TRAPPC8: variants seen among roughly 807,000 people sequenced by gnomAD.
The protein encoded by TRAPPC8 is trafficking protein particle complex subunit 8, also known as general sporulation gene 1 homolog.
Under a neutral mutation model 174.3 loss-of-function variants are expected in TRAPPC8, and 54 were observed. The ratio of observed to expected loss-of-function variants is 0.31; its 90% CI spans 0.25 to 0.39. TRAPPC8 has a LOEUF of 0.39. Ranked by LOEUF, TRAPPC8 falls within the 10% of genes least tolerant of loss-of-function variation. The pLI is 1.00. For synonymous variants in TRAPPC8, 630 were observed against 579.9 expected (o/e 1.09, Z -1.24); for missense variants, 1,531 against 1,699.1 (o/e 0.90, Z 1.74).
At chr18:31,854,648 T>C (rs576575476) in intron 21 of TRAPPC8, among the ~76,000 whole-genome samples, 24 of 152,198 alleles carry the variant, frequency 1.6e-4, no homozygotes, top group East Asian at 7.7e-4. Flanking sequence ...ATTTCAAACA[T>C]GAGAGATCAC....
Position 31,916,331 on chromosome 18 carries a change from T to C in TRAPPC8, c.558A>G (p.Ile186Met), listed in dbSNP as rs1319941660. 1 of 1,613,476 alleles carries C rather than the reference T, an allele frequency of 6.2e-7. No homozygotes were observed. ...NSDYSYPKWF[I>M]PNTLKYYVLL... ...GTACATAGTATTTAAGTGTATTTGG[T>C]ATAAACCACTTGGGGTAGGAATAAT... The change falls in exon 4 of 29, where the codon ATA (isoleucine) becomes ATG (methionine). Residue 186 changes from isoleucine to methionine, a missense_variant. Ile to Met is a conservative substitution (Grantham distance 10). Transcript: ENST00000283351.
intron 1 of TRAPPC8, among the ~76,000 whole-genome samples, chr18:31,937,075 G>A (rs1265428802): frequency 2.0e-5 from 3 of 152,022 alleles, no homozygotes; most frequent in East Asian, 3.9e-4. Context: ...TTAGCCAGGC[G>A]TGGTGGTGGG....
intron 2 of TRAPPC8, among the ~76,000 whole-genome samples, chr18:31,930,122 CTTTT>C (rs763334461): frequency 2.1e-5 from 3 of 144,362 alleles, no homozygotes; most frequent in African/African-American, 5.1e-5. Context: ...TTAGGAAAAA[CTTTT>C]TTTTTTTTTT....
At chr18:31,931,652 C>T in intron 1 of TRAPPC8, 129 bp from the exon 2 acceptor site, 1 of 625,554 alleles carries the variant, frequency 1.6e-6, no homozygotes. Flanking sequence ...GTGGAACGTT[C>T]TTCCAGAAAT....
rs1045197803 is a variant in TRAPPC8, at chr18:31,864,721, C to T, written c.2651G>A (p.Arg884Gln). 2 of 1,612,702 alleles carry T rather than the reference C, an allele frequency of 1.2e-6. No individual in the cohort carries two copies. Among genetic ancestry groups the T allele is most frequent in the Non-Finnish European group, 1.7e-6 (2 of 1,179,360 alleles). Reference sequence around the variant, plus strand: ...TTTCTCTTCTTTTGTGTTGTTAAGTCGAGGACCTTGAATTTCTAAATCCTG... The same window carrying T: ...TTTCTCTTCTTTTGTGTTGTTAAGTTGAGGACCTTGAATTTCTAAATCCTG... ...GKQDLEIQGPRLNNTKEEKTS... is the reference protein window; with the variant it reads ...GKQDLEIQGPQLNNTKEEKTS... Residue 884 changes from arginine to glutamine, a missense_variant, in exon 19 of 29, where the codon CGA becomes CAA. Transcript: ENST00000283351.
chr18:31,942,400 G>A (rs1323997516), intron 1 of TRAPPC8, among the ~76,000 whole-genome samples: 1 of 152,214 alleles, frequency 6.6e-6, no homozygotes, highest in Non-Finnish European at 1.5e-5. Context: ...AGTGCCCAGA[G>A]AAACTGGAGC....
At chr18:31,901,976 CTCTT>C (rs2036447263) in intron 9 of TRAPPC8, among the ~76,000 whole-genome samples, 1 of 152,138 alleles carries the variant, frequency 6.6e-6, no homozygotes, top group East Asian at 1.9e-4. Flanking sequence ...TTTCCCCTTC[CTCTT>C]TGTCACTGTA....
At chr18:31,896,178 A>G (rs1248044775) in intron 11 of TRAPPC8, 2 of 152,264 alleles carry the variant, frequency 1.3e-5, no homozygotes, top group Admixed American at 6.5e-5. Flanking sequence ...GACTATCTGA[A>G]GTACACAACT....
intron 11 of TRAPPC8, among the ~76,000 whole-genome samples, chr18:31,892,566 G>A (rs1418200047): frequency 1.3e-5 from 2 of 152,066 alleles, no homozygotes; most frequent in Non-Finnish European, 2.9e-5. Context: ...ATTTCTGGAA[G>A]TAGAACTGTG....
At chr18:31,919,585 TAAATA>T (rs1486115780) in intron 2 of TRAPPC8, among the ~76,000 whole-genome samples, 1 of 65,374 alleles carries the variant, frequency 1.5e-5, no homozygotes, top group South Asian at 3.7e-4. Flanking sequence ...AATAAATAAA[TAAATA>T]AAATAATAAT....
In TRAPPC8 at chr18:31,897,909, A is replaced by G. The variant is rs2036248990; in HGVS notation, c.1491-18T>C. ...CCATATTCCTATAGAAAAAAGGACA[A>G]GAAGATAAAATAGCACAATAATACC... On this transcript the variant is annotated intron_variant, in intron 10 of 28. Transcript: ENST00000283351. 7 of 1,599,100 alleles carry G rather than the reference A, an allele frequency of 4.4e-6. No individual in the cohort carries two copies. The South Asian group carries it at 6.7e-5, about 15-fold the overall frequency.
chr18:31,917,289 A>G (rs560643051), intron 3 of TRAPPC8, among the ~76,000 whole-genome samples: 7 of 152,068 alleles, frequency 4.6e-5, no homozygotes, highest in Admixed American at 1.3e-4. Context: ...AAAATGGCTA[A>G]AAAAGTTATT....
intron 19 of TRAPPC8, among the ~76,000 whole-genome samples, chr18:31,858,268 G>C (rs1306849994): frequency 6.6e-6 from 1 of 152,144 alleles, no homozygotes; most frequent in African/African-American, 2.4e-5. Context: ...CAACTTGGTA[G>C]ATTATGGACC....
At chr18:31,861,674 T>C (rs769245967) in intron 19 of TRAPPC8, among the ~76,000 whole-genome samples, 23 of 152,120 alleles carry the variant, frequency 1.5e-4, no homozygotes, top group African/African-American at 5.6e-4. Context: ...CGGTTGCTCA[T>C]GCCTATAACC....
chr18:31,895,130 T>A (rs2036130614), intron 11 of TRAPPC8, among the ~76,000 whole-genome samples: 1 of 152,190 alleles, frequency 6.6e-6, no homozygotes, highest in African/African-American at 2.4e-5. Context: ...TCATTAACTA[T>A]CTTTTGCTAT....
At position 31,873,489 on chromosome 18, in the gene TRAPPC8, G is replaced by A. The variant is rs760090647; in HGVS notation, c.2003C>T (p.Pro668Leu). The A allele has an allele frequency of 1.9e-6, 3 of 1,613,330 alleles. No homozygotes were observed. Among genetic ancestry groups the A allele is most frequent in the Non-Finnish European group, 2.5e-6 (3 of 1,179,630 alleles). The change falls in exon 14 of 29, where the codon CCG (proline) becomes CTG (leucine). Residue 668 changes from proline to leucine, a missense_variant. By Grantham distance (98) the Pro-to-Leu change is moderately conservative. Transcript: ENST00000283351. ...CCGTGTTGCTGAACTGTTAATATAC[G>A]GTAAAGGAAGCTGTGGCAAAGGACC... ...PDGPLPQLPL[P>L]YINSSATRVF...
chr18:31,909,740 A>T lies in TRAPPC8; in HGVS notation c.792T>A (p.Pro264=), dbSNP rs1365894264. ...AATTCTTATTTGAAGTTATAGTACA[A>T]GGGCCATCTTCATATGATTCCTATC... ...IQNQESYEDG[P]CTITSNKNSD... Residue 264 remains proline (P), a synonymous_variant, in exon 6 of 29, where the codon CCT becomes CCA. Coordinates refer to ENST00000283351, the MANE Select transcript of TRAPPC8 (RefSeq NM_014939.5). The T allele has an allele frequency of 6.3e-7, 1 of 1,594,524 alleles. No individual in the cohort carries two copies. The highest frequency in any genetic ancestry group is 2.3e-5 in the East Asian group (1 of 44,278).
intron 12 of TRAPPC8, chr18:31,883,833 A>G (rs2035576333): frequency 6.6e-6 from 1 of 152,246 alleles, no homozygotes; most frequent in African/African-American, 2.4e-5. Flanking sequence ...TGAAACAAGC[A>G]AGCATCTGCT....
intron 13 of TRAPPC8, 100 bp from the exon 14 acceptor site, chr18:31,873,638 A>C: frequency 1.3e-6 from 1 of 768,258 alleles, no homozygotes; most frequent in Non-Finnish European, 2.1e-6. Flanking sequence ...AAATATGTTA[A>C]GCAAGAATAT....
Sources: gnomAD v4.1 joint callset for allele counts (sites outside exome capture counted in the v4.1 genomes callset) on GRCh38, gnomAD v4.1.1 for gene constraint, MANE v1.5 for transcripts, NCBI Gene and HGNC (gene_info 2026-07-23, HGNC 2026-07-21) for gene names.